Variants in ENTREP2 observed in about 807,000 individuals in gnomAD.
The protein encoded by ENTREP2 is protein ENTREP2.
the ENTREP2 span, among the ~76,000 whole-genome samples, chr15:29,398,571 A>C: frequency 2.6e-5 from 4 of 152,184 alleles, no homozygotes; most frequent in African/African-American, 9.6e-5. Context: ...TAAAAATACA[A>C]AAATCAGCTG....
chr15:29,503,268 A>C, the ENTREP2 span, among the ~76,000 whole-genome samples: 3 of 152,172 alleles, frequency 2.0e-5, no homozygotes, highest in Non-Finnish European at 4.4e-5. Context: ...CACAAAAAGG[A>C]AGTGCTATTG....
the ENTREP2 span, among the ~76,000 whole-genome samples, chr15:29,334,234 C>G: frequency 6.6e-6 from 1 of 152,172 alleles, no homozygotes; most frequent in African/African-American, 2.4e-5. Context: ...ACCCAGAAAA[C>G]AAGTGAAGAA....
At chr15:29,322,184 A>T in the ENTREP2 span, among the ~76,000 whole-genome samples, 2 of 152,162 alleles carry the variant, frequency 1.3e-5, no homozygotes, top group African/African-American at 2.4e-5. Context: ...TGTATTATGC[A>T]CATCATGTTG....
chr15:29,418,674 A>G, the ENTREP2 span, among the ~76,000 whole-genome samples: 4 of 152,360 alleles, frequency 2.6e-5, no homozygotes, highest in African/African-American at 7.2e-5. Flanking sequence ...TAAAATATGG[A>G]AATCAACTCT....
the ENTREP2 span, among the ~76,000 whole-genome samples, chr15:29,430,929 G>A: frequency 1.3e-5 from 2 of 152,028 alleles, no homozygotes; most frequent in Non-Finnish European, 2.9e-5. Context: ...ACACGGCTCC[G>A]GTGAGCTCCC....
the ENTREP2 span, among the ~76,000 whole-genome samples, chr15:29,545,342 C>T: frequency 1.9e-4 from 29 of 152,192 alleles, no homozygotes; most frequent in East Asian, 5.4e-3. Flanking sequence ...TAAGAGGACA[C>T]AAAAGGTCAA....
the ENTREP2 span, among the ~76,000 whole-genome samples, chr15:29,642,716 G>A: frequency 0.046 from 7,047 of 151,896 alleles, 188 homozygotes; most frequent in South Asian, 0.065. Flanking sequence ...AGGTTCAAGC[G>A]ATTCTTCTGC....
chr15:29,343,731 T>C, the ENTREP2 span, among the ~76,000 whole-genome samples: 1 of 152,124 alleles, frequency 6.6e-6, no homozygotes, highest in Admixed American at 6.5e-5. Flanking sequence ...GGAGGGGTGG[T>C]AATGGGAATT....
the ENTREP2 span, chr15:29,376,388 G>A: frequency 6.6e-6 from 1 of 151,760 alleles, no homozygotes; most frequent in Non-Finnish European, 1.5e-5. Context: ...GCATAATATA[G>A]AACCCGTTAT....
the ENTREP2 span, among the ~76,000 whole-genome samples, chr15:29,131,553 C>A: frequency 7.1e-6 from 1 of 140,868 alleles, no homozygotes; most frequent in African/African-American, 2.7e-5. Flanking sequence ...TCCTGCCATG[C>A]GCCTTAGCTG....
At chr15:29,174,669 G>A in the ENTREP2 span, among the ~76,000 whole-genome samples, 5 of 145,072 alleles carry the variant, frequency 3.4e-5, no homozygotes, top group African/African-American at 5.4e-5. Context: ...TAGCCTGGGC[G>A]ACAGAGTGAG....
the ENTREP2 span, among the ~76,000 whole-genome samples, chr15:29,619,131 G>T: frequency 6.6e-6 from 1 of 152,318 alleles, no homozygotes; most frequent in Non-Finnish European, 1.5e-5. Flanking sequence ...GGTGGCTCAC[G>T]CCTGTAATCC....
At chr15:29,382,642 G>A in the ENTREP2 span, among the ~76,000 whole-genome samples, 2 of 151,996 alleles carry the variant, frequency 1.3e-5, no homozygotes, top group Admixed American at 6.6e-5. Flanking sequence ...CTACTGTCCT[G>A]ATCACATGAA....
At chr15:29,516,241 G>A in the ENTREP2 span, among the ~76,000 whole-genome samples, 10 of 152,070 alleles carry the variant, frequency 6.6e-5, no homozygotes, top group African/African-American at 9.7e-5. Flanking sequence ...CCAGGGAAAC[G>A]GTCACACAGG....
chr15:29,194,400 C>G, the ENTREP2 span, among the ~76,000 whole-genome samples: 5 of 152,352 alleles, frequency 3.3e-5, no homozygotes, highest in East Asian at 5.8e-4. Flanking sequence ...AGCCTCCTGC[C>G]ACCAGTTTTG....
At chr15:29,183,156 A>C in the ENTREP2 span, among the ~76,000 whole-genome samples, 8 of 152,230 alleles carry the variant, frequency 5.3e-5, no homozygotes, top group Non-Finnish European at 8.8e-5. Context: ...ATGATGCCCA[A>C]AACAACTTTG....
the ENTREP2 span, among the ~76,000 whole-genome samples, chr15:29,465,894 G>A: frequency 3.3e-5 from 5 of 152,304 alleles, no homozygotes; most frequent in African/African-American, 9.6e-5. Context: ...ATAAGGTCTC[G>A]AGGAAGCAGG....
At chr15:29,376,839 A>G in the ENTREP2 span, 1 of 152,268 alleles carries the variant, frequency 6.6e-6, no homozygotes, top group Non-Finnish European at 1.5e-5. Context: ...AGCTGCTGCC[A>G]GGAGAGCAAT....
chr15:29,124,702 C>T, the ENTREP2 span: 1 of 1,550,628 alleles, frequency 6.4e-7, no homozygotes, highest in Non-Finnish European at 8.7e-7. Context: ...CCAGGCACAG[C>T]CTCAGACAGT....
Sources: gnomAD v4.1 joint callset for allele counts (sites outside exome capture counted in the v4.1 genomes callset) on GRCh38, gnomAD v4.1.1 for gene constraint, MANE v1.5 for transcripts, NCBI Gene and HGNC (gene_info 2026-07-23, HGNC 2026-07-21) for gene names.